Variants in CEP83 observed in about 807,000 individuals in gnomAD.
CEP83 encodes centrosomal protein 83, also known as centrosomal protein of 83 kDa.
CEP83 carries 70 observed loss-of-function variants against 101.9 expected under a neutral mutation model. The observed-to-expected ratio is 0.69, with a 90% confidence interval of 0.57 to 0.84. CEP83 has a LOEUF of 0.84. CEP83 is among the 40% of genes least tolerant of loss of function. CEP83 has a pLI of 0.00. For missense variants in CEP83, 715 were observed against 787.2 expected, an observed-to-expected ratio of 0.91 and a Z score of 1.10; for synonymous variants, 264 against 267.9, an observed-to-expected ratio of 0.99 and a Z score of 0.14.
chr12:94,434,215 A>C (rs578085624), intron 2 of CEP83, among the ~76,000 whole-genome samples: 2 of 152,248 alleles, frequency 1.3e-5, no homozygotes, highest in Non-Finnish European at 2.9e-5. Context: ...ATGAGAACTC[A>C]AGAACATGAG....
downstream of CEP83, chr12:94,306,947 T>A (rs889242495): frequency 2.6e-5 from 4 of 152,158 alleles, no homozygotes; most frequent in African/African-American, 4.8e-5. Flanking sequence ...CTGGTCCCCA[T>A]TGAAGGCTGC....
At chr12:94,295,525 C>T in the CEP83 span, among the ~76,000 whole-genome samples, 4 of 152,124 alleles carry the variant, frequency 2.6e-5, no homozygotes. Flanking sequence ...TTCGTGGGCC[C>T]TCCAGTCAGT....
intron 11 of CEP83, among the ~76,000 whole-genome samples, chr12:94,360,313 AT>A (rs1285335155): frequency 1.3e-5 from 2 of 152,114 alleles, no homozygotes; most frequent in Middle Eastern, 3.2e-3. Flanking sequence ...TGGCTTCAAA[AT>A]AAAAAAGGAG....
intron 11 of CEP83, among the ~76,000 whole-genome samples, chr12:94,362,884 C>A (rs2060839321): frequency 1.3e-5 from 2 of 152,284 alleles, no homozygotes; most frequent in African/African-American, 4.8e-5. Context: ...TCATTCATGG[C>A]AACATGGACA....
At chr12:94,353,273 A>G (rs148721652) in intron 11 of CEP83, among the ~76,000 whole-genome samples, 232 of 152,358 alleles carry the variant, frequency 1.5e-3, no homozygotes, top group Non-Finnish European at 2.4e-3. Context: ...TGAAGAAGAA[A>G]CAAAGTCTTT....
downstream of CEP83, among the ~76,000 whole-genome samples, chr12:94,302,371 CATTTTATTCATTCGACAAATAT>C (rs60624932): frequency 0.012 from 1,876 of 152,272 alleles, 32 homozygotes; most frequent in African/African-American, 0.043. Context: ...TCATCATAAA[CATTTTATTCATTCGACAAATAT>C]GATTTCCTAA....
At chr12:94,285,446 T>C in the CEP83 span, among the ~76,000 whole-genome samples, 1 of 152,188 alleles carries the variant, frequency 6.6e-6, no homozygotes, top group Non-Finnish European at 1.5e-5. Flanking sequence ...GTGGCATTGC[T>C]GTAGGGAGTC....
intron 2 of CEP83, chr12:94,423,884 A>G: frequency 6.2e-7 from 1 of 1,612,294 alleles, no homozygotes. Flanking sequence ...AGCTCCTTGC[A>G]TAGCTGCAGC....
Position 94,378,958 on chromosome 12 carries a change from G to T in CEP83, c.634C>A (p.Gln212Lys), listed in dbSNP as rs1422979209. ...DLTKDSKRVE[Q>K]LAREKVYLCQ... ...AAATAGACTTTTTCTCGAGCAAGTT[G>T]TTCCACTCGTTTGCTGTCTTTTGTG... Residue 212 changes from glutamine to lysine, a missense_variant, in exon 7 of 17, where the codon CAA becomes AAA. Gln to Lys is a moderately conservative substitution (Grantham distance 53). Transcript: ENST00000397809. The T allele has an allele frequency of 1.9e-6, 3 of 1,613,974 alleles. No individual in the cohort carries two copies. Among genetic ancestry groups the T allele is most frequent in the South Asian group, 1.1e-5 (1 of 91,074 alleles).
intron 6 of CEP83, among the ~76,000 whole-genome samples, chr12:94,379,297 T>C (rs2061708867): frequency 6.6e-6 from 1 of 152,218 alleles, no homozygotes; most frequent in South Asian, 2.1e-4. Flanking sequence ...AGTTGCTGAC[T>C]AAAATTTAAA....
intron 14 of CEP83, among the ~76,000 whole-genome samples, chr12:94,331,126 A>G (rs1397141571): frequency 1.3e-5 from 2 of 151,680 alleles, no homozygotes; most frequent in South Asian, 2.1e-4. Flanking sequence ...CCCTGTCTCT[A>G]CTAAAAATAC....
chr12:94,270,767 T>C, the CEP83 span, among the ~76,000 whole-genome samples: 1 of 151,998 alleles, frequency 6.6e-6, no homozygotes, highest in Non-Finnish European at 1.5e-5. Context: ...CCATTACTTT[T>C]TTTTTTTTTT....
intron 4 of CEP83, chr12:94,408,068 T>C (rs930827674): frequency 6.6e-6 from 1 of 152,222 alleles, no homozygotes; most frequent in Non-Finnish European, 1.5e-5. Flanking sequence ...TCCACACAAC[T>C]CGGCCTCCCA....
intron 7 of CEP83, among the ~76,000 whole-genome samples, chr12:94,377,052 A>C (rs1166071013): frequency 2.0e-5 from 3 of 152,138 alleles, no homozygotes; most frequent in Admixed American, 2.0e-4. Flanking sequence ...CAACATAATT[A>C]AAATGAAGAC....
chr12:94,326,897 T>C (rs2058995353), intron 14 of CEP83, among the ~76,000 whole-genome samples: 1 of 152,220 alleles, frequency 6.6e-6, no homozygotes, highest in Non-Finnish European at 1.5e-5. Context: ...TGTAGATTTC[T>C]AGGCTCCAGA....
chr12:94,298,876 G>A, the CEP83 span: 1 of 1,339,110 alleles, frequency 7.5e-7, no homozygotes, highest in South Asian at 1.3e-5. Context: ...GATAGTTATA[G>A]AAGGATTCAT....
intron 2 of CEP83, chr12:94,424,115 G>A: frequency 3.7e-6 from 6 of 1,606,242 alleles, no homozygotes; most frequent in South Asian, 1.1e-5. Context: ...AGACACAGGA[G>A]AGGAAAGGTA....
At chr12:94,343,639 G>A (rs1046738711) in intron 11 of CEP83, among the ~76,000 whole-genome samples, 20 of 150,172 alleles carry the variant, frequency 1.3e-4, no homozygotes, top group Admixed American at 2.6e-4. Flanking sequence ...ACAGGCGCCC[G>A]CCACCGCGCC....
chr12:94,419,789 C>A (rs556452131), intron 2 of CEP83, among the ~76,000 whole-genome samples: 103 of 152,080 alleles, frequency 6.8e-4, no homozygotes, highest in African/African-American at 2.4e-3. Flanking sequence ...ACTAGATAAC[C>A]TTGTAGAAAA....
Sources: gnomAD v4.1 joint callset for allele counts (sites outside exome capture counted in the v4.1 genomes callset) on GRCh38, gnomAD v4.1.1 for gene constraint, MANE v1.5 for transcripts, NCBI Gene and HGNC (gene_info 2026-07-23, HGNC 2026-07-21) for gene names.